Variants in DOCK4 observed in about 807,000 individuals in gnomAD.
The protein encoded by DOCK4 is dedicator of cytokinesis 4.
A neutral mutation model predicts 268.1 loss-of-function variants in DOCK4; 97 were observed. The ratio of observed to expected loss-of-function variants is 0.36; its 90% CI spans 0.31 to 0.43. The LOEUF (loss-of-function observed/expected upper bound fraction) is 0.43, where lower values mean the gene tolerates loss of function less well. DOCK4 is among the 20% of genes least tolerant of loss of function. The probability of loss-of-function intolerance (pLI) is 1.00; values close to 1 mark genes in which losing one functional copy is unlikely to be tolerated. For synonymous variants in DOCK4, 954 were observed against 887.2 expected (o/e 1.08, Z -1.34); for missense variants, 2,145 against 2,455.7 (o/e 0.87, Z 2.67).
At chr7:111,917,720 A>G (rs986110890) in intron 12 of DOCK4, among the ~76,000 whole-genome samples, 7 of 151,968 alleles carry the variant, frequency 4.6e-5, no homozygotes, top group Admixed American at 1.3e-4. Context: ...AAAAAAAAAA[A>G]GATGAATTTG....
Position 112,009,693 on chromosome 7 carries a change from G to A in DOCK4, c.38-5562C>T, listed in dbSNP as rs187179524. ...ATTAAGGTTTATCAACATTTATGAGGATTATTTGGGGGGATCACAAATGGA... is the reference window on the plus strand; with the variant it reads ...ATTAAGGTTTATCAACATTTATGAGAATTATTTGGGGGGATCACAAATGGA... On this transcript the variant is annotated intron_variant, in intron 1 of 52. Transcript: ENST00000428084. Among the ~76,000 whole-genome samples, 22 of 152,308 alleles carry A rather than the reference G, an allele frequency of 1.4e-4. No individual in the cohort carries two copies. The South Asian group carries it at 4.3e-3, about 30-fold the overall frequency.
At chr7:112,053,012 T>G (rs1321548786) in intron 1 of DOCK4, among the ~76,000 whole-genome samples, 1 of 152,216 alleles carries the variant, frequency 6.6e-6, no homozygotes, top group Non-Finnish European at 1.5e-5. Context: ...ACCAGTTAAA[T>G]GCTAAATTTT....
chr7:111,938,709 G>T (rs1794940837), intron 11 of DOCK4, among the ~76,000 whole-genome samples: 1 of 152,154 alleles, frequency 6.6e-6, no homozygotes, highest in Non-Finnish European at 1.5e-5. Context: ...CTAACCCCCA[G>T]TACCTCAGAA....
intron 32 of DOCK4, among the ~76,000 whole-genome samples, chr7:111,784,954 A>G (rs1799064499): frequency 6.6e-6 from 1 of 152,218 alleles, no homozygotes; most frequent in African/African-American, 2.4e-5. Flanking sequence ...TCATATATGT[A>G]CTTAGTTCAA....
chr7:111,984,189 C>G (rs1251719859), intron 7 of DOCK4, 117 bp downstream of exon 7: 11 of 904,360 alleles, frequency 1.2e-5, no homozygotes, highest in Non-Finnish European at 1.7e-5. Flanking sequence ...AGTCTTTTTA[C>G]TCTCTCTAAA....
chr7:112,066,743 C>T (rs1233830635), intron 1 of DOCK4, among the ~76,000 whole-genome samples: 1 of 91,434 alleles, frequency 1.1e-5, no homozygotes, highest in African/African-American at 4.2e-5. Context: ...ATATATATAT[C>T]TCCTATTGGC....
chr7:111,851,181 A>T (rs1437635866), intron 23 of DOCK4, among the ~76,000 whole-genome samples: 1 of 152,188 alleles, frequency 6.6e-6, no homozygotes, highest in South Asian at 2.1e-4. Context: ...GCGGTGGCTC[A>T]CACCTGTAAT....
In DOCK4 at chr7:111,761,352, G is replaced by A. The variant is rs755547869; in HGVS notation, c.4021-1030C>T. On this transcript the variant is annotated intron_variant, in intron 39 of 52. Coordinates refer to ENST00000428084, the MANE Select transcript of DOCK4 (RefSeq NM_001363540.2). The stretch of plus-strand genomic sequence containing the variant: ...TGGGATTACAGGTGTGAGCCACCAC[G>A]CCTGGCCATGGCTTAATGTCTTGAA... Among the ~76,000 whole-genome samples the A allele has an allele frequency of 1.3e-4, 20 of 152,242 alleles. 1 individual carries two copies. The highest frequency in any genetic ancestry group is 3.4e-3 in the Middle Eastern group (1 of 294).
chr7:112,135,545 T>G (rs893407823), intron 1 of DOCK4, among the ~76,000 whole-genome samples: 3 of 152,118 alleles, frequency 2.0e-5, no homozygotes, highest in African/African-American at 4.8e-5. Flanking sequence ...ATATAATCTA[T>G]CTCCTTTAAT....
intron 1 of DOCK4, among the ~76,000 whole-genome samples, chr7:112,007,689 C>G (rs1800968043): frequency 6.6e-6 from 1 of 152,060 alleles, no homozygotes; most frequent in African/African-American, 2.4e-5. Flanking sequence ...GCTCATGTTT[C>G]TCAGTGGTAG....
At chr7:112,155,118 A>G (rs781758166) in intron 1 of DOCK4, among the ~76,000 whole-genome samples, 2 of 152,224 alleles carry the variant, frequency 1.3e-5, no homozygotes, top group Non-Finnish European at 2.9e-5. Flanking sequence ...GAGAGGTTAA[A>G]TGGCTTTTTA....
intron 27 of DOCK4, chr7:111,820,301 G>A (rs1586084354): frequency 6.6e-6 from 1 of 152,326 alleles, no homozygotes; most frequent in East Asian, 1.9e-4. Flanking sequence ...GGTTGGACTT[G>A]CAGCCACCAG....
At position 111,869,548 on chromosome 7, in the gene DOCK4, TGCTGTTATCAACA is replaced by T; in HGVS notation, c.2109+13_2109+25del. 6.2e-7 allele frequency: 1 copy of T among 1,606,490 alleles called. No homozygotes were observed. The highest frequency in any genetic ancestry group is 8.5e-7 in the Non-Finnish European group (1 of 1,173,494). ...AGCATGCAACAGCTTTGTTAGACTC[TGCTGTTATCAACA>T]GCATGTTATCACCTTCAGCACCTCC... On this transcript the variant is annotated intron_variant, in intron 21 of 52. Transcript: ENST00000428084.
At chr7:112,048,110 A>C (rs1804984667) in intron 1 of DOCK4, among the ~76,000 whole-genome samples, 1 of 152,208 alleles carries the variant, frequency 6.6e-6, no homozygotes, top group Non-Finnish European at 1.5e-5. Context: ...TTGAATAAAT[A>C]ATGGCTAAAA....
intron 23 of DOCK4, among the ~76,000 whole-genome samples, chr7:111,861,980 A>C (rs1357760823): frequency 1.3e-5 from 2 of 151,974 alleles, no homozygotes; most frequent in Non-Finnish European, 2.9e-5. Context: ...GACCTTGAGT[A>C]TATCTGTGAT....
At chr7:111,776,020 A>G (rs2133715573) in intron 36 of DOCK4, among the ~76,000 whole-genome samples, 1 of 152,336 alleles carries the variant, frequency 6.6e-6, no homozygotes, top group South Asian at 2.1e-4. Context: ...CAAGTGTAGA[A>G]CAAACCAATG....
chr7:112,144,227 AC>A (rs768108405), intron 1 of DOCK4, among the ~76,000 whole-genome samples: 28 of 152,218 alleles, frequency 1.8e-4, no homozygotes, highest in Admixed American at 1.3e-4. Context: ...GCCAGTAAGA[AC>A]CATCTCAGTA....
intron 21 of DOCK4, 95 bp from the exon 22 acceptor site, chr7:111,868,249 C>G: frequency 1.0e-6 from 1 of 981,502 alleles, no homozygotes; most frequent in Non-Finnish European, 1.5e-6. Context: ...TGGCATTAAA[C>G]TTTTACATTA....
chr7:111,846,938 A>G (rs1164009371), intron 24 of DOCK4, 61 bp downstream of exon 24: 6 of 1,545,432 alleles, frequency 3.9e-6, no homozygotes, highest in African/African-American at 2.7e-5. Context: ...GTAGACTATT[A>G]CAAGTTTATT....
Sources: gnomAD v4.1 joint callset for allele counts (sites outside exome capture counted in the v4.1 genomes callset) on GRCh38, gnomAD v4.1.1 for gene constraint, MANE v1.5 for transcripts, NCBI Gene and HGNC (gene_info 2026-07-23, HGNC 2026-07-21) for gene names.